The following TASL variants were observed in gnomAD, a reference collection of about 807,000 sequenced individuals.
TASL encodes TLR adaptor interacting with endolysosomal SLC15A4.
Under a neutral mutation model 12.9 loss-of-function variants are expected in TASL, and 6 were observed. That is an observed-to-expected ratio of 0.46 (90% CI 0.25 to 0.92). The LOEUF is 0.92. Among genes scored for constraint, TASL ranks in the 40% least tolerant of loss-of-function variants. TASL has a pLI of 0.17. For missense variants in TASL, 165 were observed against 212.8 expected, an observed-to-expected ratio of 0.78 and a Z score of 1.40; for synonymous variants, 85 against 79.3, an observed-to-expected ratio of 1.07 and a Z score of -0.38.
chrX:30,573,450 A>T (rs1398955051), intron 2 of TASL, among the ~76,000 whole-genome samples: 1 of 112,875 alleles, frequency 8.9e-6, no homozygotes, highest in Non-Finnish European at 1.9e-5. Flanking sequence ...GGGGTGGCCC[A>T]GATGACTACA....
At chrX:30,574,064 C>G (rs148105506) in intron 2 of TASL, among the ~76,000 whole-genome samples, 61 of 111,778 alleles carry the variant, frequency 5.5e-4, no homozygotes, top group African/African-American at 1.8e-3. Context: ...CTCATCTCAT[C>G]TCTGCCTGTT....
chrX:30,565,056 A>G (rs1388859325), intron 2 of TASL, among the ~76,000 whole-genome samples: 1 of 112,005 alleles, frequency 8.9e-6, no homozygotes, highest in Non-Finnish European at 1.9e-5. Flanking sequence ...GAGTCTGCAC[A>G]GGCTCCTCCC....
intron 2 of TASL, among the ~76,000 whole-genome samples, chrX:30,567,037 C>T (rs1387493338): frequency 9.0e-6 from 1 of 111,625 alleles, no homozygotes; most frequent in East Asian, 2.8e-4. Context: ...GCCTGTAATC[C>T]AAGCACTTTG....
chrX:30,568,691 T>C (rs1333353557), intron 2 of TASL, among the ~76,000 whole-genome samples: 1 of 111,335 alleles, frequency 9.0e-6, no homozygotes, highest in South Asian at 3.8e-4. Flanking sequence ...CAGAGTCTTC[T>C]TTCATTGTAT....
chrX:30,571,282 G>GAAAGAAAGAAAGAA (rs1569306135), intron 2 of TASL, among the ~76,000 whole-genome samples: 30 of 68,502 alleles, frequency 4.4e-4, no homozygotes, highest in Admixed American at 1.3e-3. Context: ...AAGAAAGAAA[G>GAAAGAAAGAAAGAA]AAAGAAAGAA....
chrX:30,573,979 C>G (rs1407460007), intron 2 of TASL, among the ~76,000 whole-genome samples: 1 of 111,389 alleles, frequency 9.0e-6, no homozygotes, highest in Non-Finnish European at 1.9e-5. Context: ...TGTTTAAATA[C>G]AAACCACTTC....
chrX:30,561,208 T>A (rs760709822), intron 2 of TASL, among the ~76,000 whole-genome samples: 1 of 112,024 alleles, frequency 8.9e-6, no homozygotes, highest in East Asian at 2.8e-4. Flanking sequence ...CCTGCCTTTG[T>A]ATCCCAGAAT....
intron 2 of TASL, among the ~76,000 whole-genome samples, chrX:30,567,278 G>GA (rs5901953): frequency 2.3e-4 from 20 of 85,212 alleles, no homozygotes; most frequent in Admixed American, 7.9e-4. Flanking sequence ...CATGTCTCAA[G>GA]AAAAAAAAAA....
At chrX:30,560,816 C>A (rs1304097817) in intron 2 of TASL, among the ~76,000 whole-genome samples, 7 of 110,023 alleles carry the variant, frequency 6.4e-5, no homozygotes, top group African/African-American at 2.3e-4. Flanking sequence ...GACCTACTCA[C>A]CACATACAAA....
chrX:30,570,713 G>A (rs1237442032), intron 2 of TASL, among the ~76,000 whole-genome samples: 1 of 111,887 alleles, frequency 8.9e-6, no homozygotes. Context: ...GCAGCAGAGG[G>A]CAGCAGAGAG....
chrX:30,570,420 A>G (rs1930576309), intron 2 of TASL, among the ~76,000 whole-genome samples: 1 of 111,532 alleles, frequency 9.0e-6, no homozygotes, highest in African/African-American at 3.3e-5. Context: ...AGTGCTTTTT[A>G]TGTACTAAAT....
chrX:30,560,457 C>A, intron 2 of TASL, 101 bp from the exon 3 acceptor site: 6 of 570,146 alleles, frequency 1.1e-5, no homozygotes, highest in Non-Finnish European at 1.7e-5. Context: ...AATAAATTCA[C>A]TTTATTCATT....
Position 30,559,405 on chromosome X carries a change from G to T in TASL, c.*45C>A, listed in dbSNP as rs749847301. 2.1e-6 allele frequency: 2 copies of T among 975,423 alleles called. No individual in the cohort carries two copies. The highest frequency in any genetic ancestry group is 1.9e-5 in the African/African-American group (1 of 51,450). The allele number at this position is 975,423 out of a possible 1,213,427, so 80.4% of individuals were successfully genotyped here. A position where few individuals can be genotyped will look rare whatever the true frequency, so the allele number is the denominator to read the frequency against. Reference sequence around the variant, plus strand: ...TCTCAGAATAAATGGATAAAGTGTTGCTTCATGTTTAAGTAAATGCGAGAC... The same window carrying T: ...TCTCAGAATAAATGGATAAAGTGTTTCTTCATGTTTAAGTAAATGCGAGAC... On this transcript the variant is annotated 3_prime_UTR_variant, in exon 3 of 3. Transcript: ENST00000378962.
chrX:30,571,264 A>AAGAAAGAAAGAAAGAAAGAAAGAAAG (rs1930601702), intron 2 of TASL, among the ~76,000 whole-genome samples: 1 of 29,090 alleles, frequency 3.4e-5, no homozygotes, highest in Non-Finnish European at 8.0e-5. Flanking sequence ...AAGAGAAAGA[A>AAGAAAGAAAGAAAGAAAGAAAGAAAG]AGAAAGAAAG....
chrX:30,572,992 G>C (rs1425481685), intron 2 of TASL, among the ~76,000 whole-genome samples: 1 of 112,233 alleles, frequency 8.9e-6, no homozygotes, highest in Admixed American at 9.4e-5. Flanking sequence ...ACAGCTGTAT[G>C]CCGAGTGCTT....
intron 2 of TASL, among the ~76,000 whole-genome samples, 187 bp downstream of exon 2, chrX:30,576,565 G>A (rs765703509): frequency 7.3e-5 from 8 of 110,138 alleles, no homozygotes; most frequent in Non-Finnish European, 9.4e-5. Flanking sequence ...AAAATTGGGA[G>A]GGGGAAAAAA....
chrX:30,561,254 A>G (rs2710401), intron 2 of TASL, among the ~76,000 whole-genome samples: 37,405 of 110,361 alleles, frequency 0.34, 4,649 homozygotes, highest in Admixed American at 0.45. Flanking sequence ...TTCTCAGAAT[A>G]CATCCTGAAA....
rs770745577 is a variant in TASL, at chrX:30,560,201, C to T, written c.155G>A (p.Arg52Lys). The stretch of plus-strand genomic sequence containing the variant: ...TGATTTGCAGCTCACGTAGAGACTT[C>T]TGACTTGTGTTTCATCCACAGAGGA... ...SYSSVDETQV[R>K]SLYVSCKSSG... The change falls in exon 3 of 3, where the codon AGA becomes AAA. Residue 52 changes from arginine (R) to lysine (K), a missense_variant. By Grantham distance (26) the Arg-to-Lys change is conservative. Coordinates refer to ENST00000378962, the MANE Select transcript of TASL (RefSeq NM_025159.3). 1.7e-6 allele frequency: 2 copies of T among 1,211,457 alleles called. No individual in the cohort carries two copies. Among genetic ancestry groups the T allele is most frequent in the Admixed American group, 2.2e-5 (1 of 45,940 alleles).
chrX:30,572,557 T>A (rs775364942), intron 2 of TASL, among the ~76,000 whole-genome samples: 3 of 112,124 alleles, frequency 2.7e-5, no homozygotes, highest in Non-Finnish European at 3.8e-5. Flanking sequence ...GTACAAGAGA[T>A]CCTTTGAACT....
Sources: gnomAD v4.1 joint callset for allele counts (sites outside exome capture counted in the v4.1 genomes callset) on GRCh38, gnomAD v4.1.1 for gene constraint, MANE v1.5 for transcripts, NCBI Gene and HGNC (gene_info 2026-07-23, HGNC 2026-07-21) for gene names.